ADAMTSL3: variants seen among roughly 807,000 people sequenced by gnomAD.
The protein encoded by ADAMTSL3 is ADAMTS-like protein 3.
In ADAMTSL3, 128 loss-of-function variants were observed where a neutral mutation model predicts 201.7. The observed-to-expected ratio is 0.63, with a 90% CI of 0.55 to 0.73. The LOEUF (loss-of-function observed/expected upper bound fraction) is 0.73, where lower values mean the gene tolerates loss of function less well. Among genes scored for constraint, ADAMTSL3 ranks in the 30% least tolerant of loss-of-function variants. The pLI is 0.00. For missense variants in ADAMTSL3, 1,990 were observed against 2,119.6 expected (o/e 0.94, Z 1.20); for synonymous variants, 738 against 748.4 (o/e 0.99, Z 0.23).
chr15:83,718,467 G>T (rs76346643), intron 3 of ADAMTSL3, among the ~76,000 whole-genome samples: 2,882 of 152,228 alleles, frequency 0.019, 90 homozygotes, highest in African/African-American at 0.063. Context: ...ATTTTGAGAT[G>T]CTGAGGCGGG....
At chr15:83,781,867 C>T (rs544879550) in intron 4 of ADAMTSL3, among the ~76,000 whole-genome samples, 6 of 152,070 alleles carry the variant, frequency 3.9e-5, no homozygotes, top group Admixed American at 1.3e-4. Context: ...AACCACAATG[C>T]GATAACATGT....
intron 3 of ADAMTSL3, among the ~76,000 whole-genome samples, chr15:83,710,826 T>C (rs185125335): frequency 4.4e-4 from 67 of 152,252 alleles, no homozygotes; most frequent in African/African-American, 1.6e-3. Context: ...AAAGAAAGTA[T>C]AGGATTCTGG....
intron 9 of ADAMTSL3, among the ~76,000 whole-genome samples, chr15:83,872,741 A>C (rs2065106809): frequency 6.8e-6 from 1 of 146,638 alleles, no homozygotes; most frequent in African/African-American, 2.6e-5. Context: ...CGAGGAAAGT[A>C]CCCACAAAGA....
chr15:83,894,556 G>A (rs545981294), intron 13 of ADAMTSL3, among the ~76,000 whole-genome samples: 1 of 152,166 alleles, frequency 6.6e-6, no homozygotes, highest in South Asian at 2.1e-4. Context: ...ACAGGGGCGA[G>A]CTCTTCTTTA....
chr15:83,914,849 T>TTTTG (rs140942655), intron 16 of ADAMTSL3, among the ~76,000 whole-genome samples: 13 of 26,460 alleles, frequency 4.9e-4, no homozygotes, highest in African/African-American at 1.6e-3. Flanking sequence ...GTTTGTTTGG[T>TTTTG]TTTGTTTGTT....
chr15:83,923,924 G>C lies in ADAMTSL3; in HGVS notation c.2008G>C (p.Val670Leu). ...CVGGHQEAIA[V>L]CLHIQTQQTV... ...TGCAGGCCATCAAGAAGCCATAGCA[G>C]TGTGCTTACATATCCAGACCCAGCA... is the stretch of plus-strand genomic sequence containing the variant. The change falls in exon 17 of 30, where the codon GTG (valine) becomes CTG (leucine). Residue 670 changes from valine (V) to leucine (L), a missense_variant. Transcript: ENST00000286744. 1 of 1,614,102 alleles carries C rather than the reference G, an allele frequency of 6.2e-7. No individual in the cohort carries two copies. The highest frequency in any genetic ancestry group is 8.5e-7 in the Non-Finnish European group (1 of 1,179,978).
intron 4 of ADAMTSL3, among the ~76,000 whole-genome samples, chr15:83,794,158 G>T (rs1007183203): frequency 1.3e-5 from 2 of 152,174 alleles, no homozygotes; most frequent in African/African-American, 4.8e-5. Context: ...TTCACAACAA[G>T]AAATACTGGC....
chr15:84,009,479 T>C (rs2067966108), intron 23 of ADAMTSL3, among the ~76,000 whole-genome samples: 2 of 152,242 alleles, frequency 1.3e-5, no homozygotes, highest in Non-Finnish European at 2.9e-5. Context: ...GAATAATATA[T>C]GTACTTCATT....
intron 15 of ADAMTSL3, among the ~76,000 whole-genome samples, chr15:83,905,561 T>C (rs893585443): frequency 9.9e-5 from 15 of 152,192 alleles, no homozygotes; most frequent in Non-Finnish European, 1.5e-5. Flanking sequence ...ACTAAGGAGC[T>C]TGGACTTTAT....
At chr15:83,835,308 A>G (rs556922952) in intron 6 of ADAMTSL3, among the ~76,000 whole-genome samples, 1 of 152,024 alleles carries the variant, frequency 6.6e-6, no homozygotes, top group Non-Finnish European at 1.5e-5. Context: ...TGGCCCCTCA[A>G]TTTCAAAGGC....
chr15:83,808,605 A>G (rs758466741), intron 5 of ADAMTSL3, among the ~76,000 whole-genome samples: 14 of 152,240 alleles, frequency 9.2e-5, no homozygotes, highest in Non-Finnish European at 1.6e-4. Flanking sequence ...CTACAATATG[A>G]TCCAGCAATC....
At chr15:83,783,719 C>A (rs1464707986) in intron 4 of ADAMTSL3, among the ~76,000 whole-genome samples, 1 of 151,216 alleles carries the variant, frequency 6.6e-6, no homozygotes, top group Admixed American at 6.6e-5. Context: ...AGTTTAATAG[C>A]CCTGAATACA....
chr15:83,814,337 C>A (rs1393605450), intron 5 of ADAMTSL3, among the ~76,000 whole-genome samples: 1 of 152,146 alleles, frequency 6.6e-6, no homozygotes, highest in Non-Finnish European at 1.5e-5. Context: ...ATATTTTAGT[C>A]CCCTCCGTGG....
intron 6 of ADAMTSL3, among the ~76,000 whole-genome samples, chr15:83,835,790 T>G (rs1192080780): frequency 6.6e-6 from 1 of 152,244 alleles, no homozygotes; most frequent in East Asian, 1.9e-4. Flanking sequence ...TAAATGTTAA[T>G]TTAATGGCCT....
intron 4 of ADAMTSL3, among the ~76,000 whole-genome samples, chr15:83,803,976 C>T (rs1310268361): frequency 6.6e-6 from 1 of 152,058 alleles, no homozygotes; most frequent in Admixed American, 6.6e-5. Context: ...AACCCCGTCT[C>T]TAATAAAAAT....
At chr15:83,696,800 G>A (rs184500937) in intron 2 of ADAMTSL3, among the ~76,000 whole-genome samples, 52 of 152,302 alleles carry the variant, frequency 3.4e-4, no homozygotes, top group Non-Finnish European at 6.5e-4. Flanking sequence ...TTGGGCTGAC[G>A]TGAAGCAGGG....
chr15:83,779,457 G>C (rs927888450), intron 4 of ADAMTSL3, among the ~76,000 whole-genome samples: 2 of 152,064 alleles, frequency 1.3e-5, no homozygotes, highest in African/African-American at 4.8e-5. Flanking sequence ...CCAGCACTTT[G>C]GGAGGCCGAG....
chr15:83,819,971 A>T lies in ADAMTSL3; in HGVS notation c.524A>T (p.Glu175Val). ...GCACAAGGACAAAACTTGGTGGTGG[A>T]GCTGGCACCTAAGGTACTGGATGGA... ...CHAQGQNLVVELAPKVLDGTR... is the reference protein window; with the variant it reads ...CHAQGQNLVVVLAPKVLDGTR... Residue 175 changes from glutamate (E) to valine (V), a missense_variant, in exon 6 of 30, where the codon GAG becomes GTG. Coordinates refer to ENST00000286744, the MANE Select transcript of ADAMTSL3 (RefSeq NM_207517.3). 1 of 1,614,094 alleles carries T rather than the reference A, an allele frequency of 6.2e-7. No individual in the cohort carries two copies. The highest frequency in any genetic ancestry group is 8.5e-7 in the Non-Finnish European group (1 of 1,180,022).
At position 83,913,229 on chromosome 15, in the gene ADAMTSL3, A is replaced by G. The variant is rs777534505; in HGVS notation, c.1838A>G (p.Lys613Arg). The stretch of plus-strand genomic sequence containing the variant: ...CCCGAGGAAGAGTGTGAAGGCCCCA[A>G]GCTGCCCACCGAACGGCCCTGCCTC... ...ELPEEECEGP[K>R]LPTERPCLLE... Residue 613 changes from lysine (K) to arginine (R), a missense_variant, in exon 16 of 30, where the codon AAG becomes AGG. Lys to Arg is a conservative substitution (Grantham distance 26, BLOSUM62 2). Coordinates refer to ENST00000286744, the MANE Select transcript of ADAMTSL3 (RefSeq NM_207517.3). The G allele has an allele frequency of 4.3e-6, 7 of 1,613,976 alleles. No individual in the cohort carries two copies. In the East Asian group the frequency reaches 1.1e-4, roughly 26 times the overall value.
Sources: allele counts gnomAD v4.1 joint callset (sites outside exome capture counted in the v4.1 genomes callset), GRCh38; gene constraint gnomAD v4.1.1; transcripts MANE v1.5; gene names NCBI Gene and HGNC (gene_info 2026-07-23, HGNC 2026-07-21).